GORASP1: variants seen among roughly 807,000 people sequenced by gnomAD.
The protein encoded by GORASP1 is Golgi reassembly-stacking protein 1.
In GORASP1, 31 loss-of-function variants were observed where a neutral mutation model predicts 37.7. That is an observed-to-expected ratio of 0.82 (90% CI 0.62 to 1.11). GORASP1 has a LOEUF of 1.11. GORASP1 is among the 50% of genes least tolerant of loss of function. The pLI is 0.00. For missense variants in GORASP1, 476 were observed against 560.7 expected (o/e 0.85, Z 1.53); for synonymous variants, 204 against 224.8 (o/e 0.91, Z 0.83).
Position 39,098,404 on chromosome 3 carries a change from C to T in GORASP1, c.1155G>A (p.Gln385=), listed in dbSNP as rs1288083355. Residue 385 remains glutamine (Q), a synonymous_variant, in exon 9 of 9, where the codon CAG becomes CAA. Coordinates refer to ENST00000319283, the MANE Select transcript of GORASP1 (RefSeq NM_031899.4). This position sits in a 1 kb window ranked among gnomAD's most constrained non-coding sequence, Gnocchi z 4.7. ...AGGTGAGACTGTCAGGAAGAGTCAG[C>T]TGAGGCAGGTGGTCCGCCTGGGCTT... is the stretch of plus-strand genomic sequence containing the variant. ...GAQAQADHLP[Q]LTLPDSLTSA... 6.2e-7 allele frequency: 1 copy of T among 1,614,174 alleles called. No individual in the cohort carries two copies.
chr3:39,096,700 A>AT lies in GORASP1; in HGVS notation c.*1535dup, dbSNP rs2035364622. 1 of 152,100 alleles carries AT rather than the reference A, an allele frequency of 6.6e-6. No homozygotes were observed. The allele number at this position is 152,100 out of a possible 1,614,324, so 9.4% of individuals were successfully genotyped here. ...TAGTACACATTTATTTTCATTTGTT[A>AT]TTTTCTTTCATAGCAGATTACAGAG... On this transcript the variant is annotated 3_prime_UTR_variant, in exon 9 of 9. Coordinates refer to ENST00000319283, the MANE Select transcript of GORASP1 (RefSeq NM_031899.4).
chr3:39,098,215 G>T lies in GORASP1; in HGVS notation c.*21C>A. 6.2e-7 allele frequency: 1 copy of T among 1,609,730 alleles called. No homozygotes were observed. ...TGGGCCTCATGAAATGTCATCATGG[G>T]CCTTGTCACAGCCCAGGGTGTTATT... On this transcript the variant is annotated 3_prime_UTR_variant, in exon 9 of 9. Transcript: ENST00000319283. The surrounding 1 kb of genome is among the most constrained non-coding windows in gnomAD (Gnocchi z 4.7).
At chr3:39,104,176 G>A (rs761521126) in intron 1 of GORASP1, among the ~76,000 whole-genome samples, 8 of 152,228 alleles carry the variant, frequency 5.3e-5, no homozygotes, top group Non-Finnish European at 1.0e-4. Flanking sequence ...TGAGTGGGCA[G>A]TGCCAATCCC....
rs933309875 is a variant in GORASP1 at position 39,100,369 on chromosome 3, G to A, written c.701C>T (p.Pro234Leu). The change falls in exon 6 of 9, where the codon CCT (proline) becomes CTT (leucine). Residue 234 changes from proline (P) to leucine (L), a missense_variant. Coordinates refer to ENST00000319283, the MANE Select transcript of GORASP1 (RefSeq NM_031899.4). The surrounding 1 kb of genome is among the most constrained non-coding windows in gnomAD (Gnocchi z 4.6). ...LGAPPPDALP[P>L]GPTPEDSPSL... ...AGGAGAGTCCTCGGGGGTGGGTCCA[G>A]GTGGTAGAGCATCAGGTGGTGGGGC... 1.2e-6 allele frequency: 2 copies of A among 1,614,176 alleles called. No individual in the cohort carries two copies. The highest frequency in any genetic ancestry group is 1.7e-6 in the Non-Finnish European group (2 of 1,180,028).
In GORASP1 at chr3:39,102,594, C is replaced by A; in HGVS notation, c.348+84G>T. ...GCTCCCACTCCACTCCTGCATGTAC[C>A]CCCTCACACCCCGCCCACACCCAGA... On this transcript the variant is annotated intron_variant, in intron 3 of 8. Transcript: ENST00000319283. This position sits in a 1 kb window ranked among gnomAD's most constrained non-coding sequence, Gnocchi z 5.0. The A allele has an allele frequency of 7.4e-7, 1 of 1,354,878 alleles. No individual in the cohort carries two copies. Among genetic ancestry groups the A allele is most frequent in the Non-Finnish European group, 1.0e-6 (1 of 964,912 alleles). 83.9% of individuals were successfully genotyped at this position (1,354,878 alleles called of 1,614,324 possible). A position where few individuals can be genotyped will look rare whatever the true frequency, so the allele number is the denominator to read the frequency against.
Position 39,103,126 on chromosome 3 carries a change from C to T in GORASP1, c.145-245G>A, listed in dbSNP as rs978766839. ...CCTCAGCCTGCCAGAAAAAACAAAG[C>T]AAGCAAAAAGCCTCCCAGATCCACA... On this transcript the variant is annotated intron_variant, in intron 2 of 8. Coordinates refer to ENST00000319283, the MANE Select transcript of GORASP1 (RefSeq NM_031899.4). The surrounding 1 kb of genome is among the most constrained non-coding windows in gnomAD (Gnocchi z 5.2). 1.7e-6 allele frequency: 1 copy of T among 602,402 alleles called. No individual in the cohort carries two copies. Among genetic ancestry groups the T allele is most frequent in the African/African-American group, 1.9e-5 (1 of 53,932 alleles). 37.3% of individuals were successfully genotyped at this position (602,402 alleles called of 1,614,324 possible).
Position 39,105,287 on chromosome 3 carries a change from C to T in GORASP1, c.64-1734G>A, listed in dbSNP as rs1226796818. Among the ~76,000 whole-genome samples, 1 of 152,122 alleles carries T rather than the reference C, an allele frequency of 6.6e-6. No homozygotes were observed. The highest frequency in any genetic ancestry group is 1.5e-5 in the Non-Finnish European group (1 of 68,024). ...ATCCAGCTCCCTCAGGGGCTCCCAT[C>T]ACAGCCTGCCCCAAGGCCCTATAGT... is the stretch of plus-strand genomic sequence containing the variant. On this transcript the variant is annotated intron_variant, in intron 1 of 8. Coordinates refer to ENST00000319283, the MANE Select transcript of GORASP1 (RefSeq NM_031899.4). The surrounding 1 kb of genome is among the most constrained non-coding windows in gnomAD (Gnocchi z 5.4).
chr3:39,099,268 G>A (rs748667381), intron 7 of GORASP1, 85 bp downstream of exon 7: 18 of 1,478,110 alleles, frequency 1.2e-5, no homozygotes, highest in Non-Finnish European at 1.6e-5. Context: ...TGAGGGGTCA[G>A]CAAGGCCTGG....
Position 39,098,127 on chromosome 3 carries a change from T to C in GORASP1, c.*109A>G. Reference sequence around the variant, plus strand: ...CCTCTCACCACCCACTGAGGCCTCATGTCCCACCAAAGCAGCAAGGAATCC... The same window carrying C: ...CCTCTCACCACCCACTGAGGCCTCACGTCCCACCAAAGCAGCAAGGAATCC... On this transcript the variant is annotated 3_prime_UTR_variant, in exon 9 of 9. Coordinates refer to ENST00000319283, the MANE Select transcript of GORASP1 (RefSeq NM_031899.4). The surrounding 1 kb of genome is among the most constrained non-coding windows in gnomAD (Gnocchi z 4.7). 2 of 1,350,332 alleles carry C rather than the reference T, an allele frequency of 1.5e-6. No homozygotes were observed. Among genetic ancestry groups the C allele is most frequent in the Non-Finnish European group, 2.0e-6 (2 of 985,082 alleles). 83.6% of individuals were successfully genotyped at this position (1,350,332 alleles called of 1,614,324 possible). A position where few individuals can be genotyped will look rare whatever the true frequency, so the allele number is the denominator to read the frequency against.
rs2035755593 is a variant in GORASP1, at chr3:39,102,084, A to T, written c.348+594T>A. ...TTCATTGTTGTGCAAACATCATAGAACTTAACCTACACATAGCCTACTAGA... is the reference window on the plus strand; with the variant it reads ...TTCATTGTTGTGCAAACATCATAGATCTTAACCTACACATAGCCTACTAGA... On this transcript the variant is annotated intron_variant, in intron 3 of 8. Transcript: ENST00000319283. This position sits in a 1 kb window ranked among gnomAD's most constrained non-coding sequence, Gnocchi z 5.0. Among the ~76,000 whole-genome samples the T allele has an allele frequency of 7.5e-6, 1 of 132,666 alleles. No individual in the cohort carries two copies. Among genetic ancestry groups the T allele is most frequent in the Non-Finnish European group, 1.6e-5 (1 of 63,562 alleles). 87.0% of individuals were successfully genotyped at this position (132,666 alleles called of 152,430 possible).
At position 39,103,406 on chromosome 3, in the gene GORASP1, T is replaced by C. The variant is rs896876527; in HGVS notation, c.144+67A>G. ...GAGGGAAGGGTAGACTGGGGCCCCCTGTGGGACAGATGAAGACACACAAAC... is the reference window on the plus strand; with the variant it reads ...GAGGGAAGGGTAGACTGGGGCCCCCCGTGGGACAGATGAAGACACACAAAC... On this transcript the variant is annotated intron_variant, in intron 2 of 8. Coordinates refer to ENST00000319283, the MANE Select transcript of GORASP1 (RefSeq NM_031899.4). This position sits in a 1 kb window ranked among gnomAD's most constrained non-coding sequence, Gnocchi z 5.2. 1.3e-5 allele frequency: 18 copies of C among 1,353,412 alleles called. No individual in the cohort carries two copies. Among genetic ancestry groups the C allele is most frequent in the Non-Finnish European group, 1.9e-5 (18 of 970,228 alleles). 83.8% of individuals were successfully genotyped at this position (1,353,412 alleles called of 1,614,324 possible).
chr3:39,107,373 T>C, intron 1 of GORASP1, 106 bp downstream of exon 1: 1 of 734,532 alleles, frequency 1.4e-6, no homozygotes, highest in Non-Finnish European at 1.9e-6. Flanking sequence ...GCGGAAACAC[T>C]CGGGCCGGGA....
Position 39,102,903 on chromosome 3 carries a change from C to T in GORASP1, c.145-22G>A. ...TGTTCTGTGGGGGCAATGGGGCTGA[C>T]TCCAAGGCCACCTCATGCCCAGGCT... On this transcript the variant is annotated intron_variant, in intron 2 of 8. Coordinates refer to ENST00000319283, the MANE Select transcript of GORASP1 (RefSeq NM_031899.4). This position sits in a 1 kb window ranked among gnomAD's most constrained non-coding sequence, Gnocchi z 5.0. The T allele has an allele frequency of 6.2e-7, 1 of 1,610,178 alleles. No individual in the cohort carries two copies. The highest frequency in any genetic ancestry group is 8.5e-7 in the Non-Finnish European group (1 of 1,176,364).
chr3:39,101,201 C>T, intron 3 of GORASP1, 99 bp from the exon 4 acceptor site: 1 of 998,790 alleles, frequency 1.0e-6, no homozygotes, highest in Admixed American at 2.0e-5. Context: ...GTGAGTGGGA[C>T]ACTTGTCCTC....
Position 39,107,569 on chromosome 3 carries a change from C to G in GORASP1, c.-28G>C. ...CAGCGGCTCCGCTCGGCACCCAGGT[C>G]CAGTCCCGCTGCGCCTACCCGGACC... is the stretch of plus-strand genomic sequence containing the variant. On this transcript the variant is annotated 5_prime_UTR_variant, in exon 1 of 9. Transcript: ENST00000319283. 6.7e-7 allele frequency: 1 copy of G among 1,489,210 alleles called. No homozygotes were observed. The highest frequency in any genetic ancestry group is 8.9e-7 in the Non-Finnish European group (1 of 1,129,228). 92.2% of individuals were successfully genotyped at this position (1,489,210 alleles called of 1,614,324 possible).
At chr3:39,101,431 TTA>T in intron 3 of GORASP1, 1 of 527,222 alleles carries the variant, frequency 1.9e-6, no homozygotes, top group Non-Finnish European at 3.6e-6. Context: ...TTCCCCACAA[TTA>T]AAAGTAAGAT....
rs1294773407 is a variant in GORASP1 at position 39,098,212 on chromosome 3, T to C, written c.*24A>G. The stretch of plus-strand genomic sequence containing the variant: ...ATCTGGGCCTCATGAAATGTCATCA[T>C]GGGCCTTGTCACAGCCCAGGGTGTT... On this transcript the variant is annotated 3_prime_UTR_variant, in exon 9 of 9. Transcript: ENST00000319283. This position sits in a 1 kb window ranked among gnomAD's most constrained non-coding sequence, Gnocchi z 4.7. The C allele has an allele frequency of 1.9e-6, 3 of 1,608,770 alleles. No homozygotes were observed. The highest frequency in any genetic ancestry group is 1.1e-5 in the South Asian group (1 of 90,598).
intron 7 of GORASP1, 113 bp from the exon 8 acceptor site, chr3:39,099,006 C>G (rs2035524786): frequency 7.3e-7 from 1 of 1,362,178 alleles, no homozygotes; most frequent in Non-Finnish European, 1.0e-6. Flanking sequence ...ACTGTAATCT[C>G]CTCAGCCCCT....
At chr3:39,104,675 G>C (rs558371757) in intron 1 of GORASP1, among the ~76,000 whole-genome samples, 100 of 152,328 alleles carry the variant, frequency 6.6e-4, no homozygotes, top group African/African-American at 2.4e-3. Context: ...ACAAACCGCT[G>C]AGATCAAGGC....
Sources: allele counts gnomAD v4.1 joint callset (sites outside exome capture counted in the v4.1 genomes callset), GRCh38; gene constraint gnomAD v4.1.1; non-coding constraint Gnocchi (gnomAD v3.1); transcripts MANE v1.5; gene names NCBI Gene and HGNC (gene_info 2026-07-23, HGNC 2026-07-21).